SPATA6: variants seen among roughly 807,000 people sequenced by gnomAD.
The protein encoded by SPATA6 is spermatogenesis-associated protein 6.
A neutral mutation model predicts 65.3 loss-of-function variants in SPATA6; 56 were observed. The observed-to-expected ratio is 0.86, with a 90% CI of 0.69 to 1.07. The LOEUF is 1.07. SPATA6 is among the 50% of genes least tolerant of loss of function. The pLI is 0.00. For missense variants in SPATA6, 590 were observed against 594.8 expected (o/e 0.99, Z 0.08); for synonymous variants, 199 against 213.2 (o/e 0.93, Z 0.58).
the SPATA6 span, among the ~76,000 whole-genome samples, chr1:48,284,216 A>G: frequency 1.3e-5 from 2 of 151,922 alleles, no homozygotes; most frequent in East Asian, 1.9e-4. Flanking sequence ...CACTTGATCA[A>G]TTTGGCTATT....
At chr1:48,404,667 A>G (rs999933277) in intron 5 of SPATA6, among the ~76,000 whole-genome samples, 1 of 152,032 alleles carries the variant, frequency 6.6e-6, no homozygotes, top group South Asian at 2.1e-4. Context: ...TAAAAAAAAC[A>G]AAACAAAAAA....
rs757821129 is a variant in SPATA6 at position 48,411,600 on chromosome 1, A to G, written c.281-12T>C. On this transcript the variant is annotated splice_polypyrimidine_tract_variant and intron_variant, in intron 4 of 12. Coordinates refer to ENST00000371847, the MANE Select transcript of SPATA6 (RefSeq NM_019073.4). Reference sequence around the variant, plus strand: ...CAGTGTTTCACCCACTACAAGAAAGATACCCTATGATTCAAATTATAATAA... The same window carrying G: ...CAGTGTTTCACCCACTACAAGAAAGGTACCCTATGATTCAAATTATAATAA... The G allele has an allele frequency of 4.6e-6, 7 of 1,535,380 alleles. No homozygotes were observed. The East Asian group carries it at 1.6e-4, about 36-fold the overall frequency.
intron 5 of SPATA6, among the ~76,000 whole-genome samples, chr1:48,408,174 T>C (rs1651883356): frequency 1.3e-5 from 2 of 152,336 alleles, no homozygotes; most frequent in South Asian, 4.1e-4. Context: ...AGAAATTACT[T>C]AGTTAACTAT....
intron 8 of SPATA6, among the ~76,000 whole-genome samples, chr1:48,393,828 G>C (rs1650306656): frequency 6.6e-6 from 1 of 152,070 alleles, no homozygotes; most frequent in South Asian, 2.1e-4. Context: ...AGCGAGAGAA[G>C]GAGAGCCCAA....
intron 11 of SPATA6, chr1:48,325,163 G>A: frequency 1.6e-6 from 1 of 616,004 alleles, no homozygotes. Context: ...TACAGTTTCA[G>A]GGTTATGGAC....
chr1:48,399,120 G>T, intron 7 of SPATA6: 1 of 484,064 alleles, frequency 2.1e-6, no homozygotes, highest in Non-Finnish European at 3.6e-6. Flanking sequence ...GGTACTGAGA[G>T]GATTTAACAT....
chr1:48,365,638 T>C (rs958504659), intron 9 of SPATA6, among the ~76,000 whole-genome samples: 5 of 152,198 alleles, frequency 3.3e-5, no homozygotes, highest in South Asian at 2.1e-4. Context: ...TTTTTGTACA[T>C]TGATTTTGTA....
chr1:48,366,622 C>T (rs947675243), intron 9 of SPATA6, among the ~76,000 whole-genome samples: 4 of 152,138 alleles, frequency 2.6e-5, no homozygotes, highest in African/African-American at 9.7e-5. Context: ...GTTTGTATTT[C>T]TGTGTGATCG....
chr1:48,369,898 T>G (rs1570343951), intron 9 of SPATA6, among the ~76,000 whole-genome samples: 1 of 152,138 alleles, frequency 6.6e-6, no homozygotes, highest in African/African-American at 2.4e-5. Context: ...AGACCGGAGC[T>G]CCTCCTATTC....
At chr1:48,316,928 A>T (rs1557551564) in intron 11 of SPATA6, among the ~76,000 whole-genome samples, 1 of 152,238 alleles carries the variant, frequency 6.6e-6, no homozygotes, top group African/African-American at 2.4e-5. Flanking sequence ...ACATGAAAAA[A>T]TGCTCATCAT....
intron 11 of SPATA6, among the ~76,000 whole-genome samples, chr1:48,342,262 G>C (rs1476657453): frequency 6.6e-6 from 1 of 152,082 alleles, no homozygotes; most frequent in African/African-American, 2.4e-5. Flanking sequence ...GCTAGAATTT[G>C]CCTGTGTGGC....
At chr1:48,454,209 C>A (rs1656827150) in intron 1 of SPATA6, among the ~76,000 whole-genome samples, 1 of 151,906 alleles carries the variant, frequency 6.6e-6, no homozygotes, top group Admixed American at 6.6e-5. Flanking sequence ...ATCAACTACA[C>A]CCTCAGCAGG....
chr1:48,273,719 C>T, the SPATA6 span, among the ~76,000 whole-genome samples: 15 of 152,160 alleles, frequency 9.9e-5, no homozygotes, highest in Admixed American at 8.5e-4. Flanking sequence ...ATATGTGCCA[C>T]ATTTTCTTTA....
At chr1:48,386,868 G>C (rs1023275832) in intron 8 of SPATA6, among the ~76,000 whole-genome samples, 6 of 152,324 alleles carry the variant, frequency 3.9e-5, no homozygotes, top group East Asian at 1.9e-4. Context: ...TACAGACTGT[G>C]AGCTGTCCTG....
chr1:48,364,503 G>A (rs1453114704), intron 9 of SPATA6, among the ~76,000 whole-genome samples: 3 of 152,330 alleles, frequency 2.0e-5, no homozygotes, highest in Non-Finnish European at 4.4e-5. Flanking sequence ...TCTAACTGGT[G>A]TGAGATGGTA....
chr1:48,442,717 T>TAAAAAAAAAAAA (rs71056669), intron 3 of SPATA6, among the ~76,000 whole-genome samples: 2 of 46,212 alleles, frequency 4.3e-5, no homozygotes, highest in African/African-American at 9.2e-5. Flanking sequence ...ATGGAAGTAG[T>TAAAAAAAAAAAA]AAAAAAAAAA....
At chr1:48,289,594 A>C in the SPATA6 span, among the ~76,000 whole-genome samples, 1 of 152,186 alleles carries the variant, frequency 6.6e-6, no homozygotes, top group African/African-American at 2.4e-5. Context: ...AGAAGCTAAA[A>C]ACCTTGAAAA....
intron 3 of SPATA6, among the ~76,000 whole-genome samples, chr1:48,434,571 T>C (rs1654714725): frequency 6.6e-6 from 1 of 150,574 alleles, no homozygotes; most frequent in South Asian, 2.1e-4. Flanking sequence ...TCTCTGATTA[T>C]GACAAATCTG....
chr1:48,399,477 T>C lies in SPATA6; in HGVS notation c.654A>G (p.Pro218=), dbSNP rs747230294. 1.2e-6 allele frequency: 2 copies of C among 1,613,240 alleles called. No individual in the cohort carries two copies. The change falls in exon 7 of 13, where the codon CCA becomes CCG. Residue 218 remains proline, a synonymous_variant. Transcript: ENST00000371847. ...ACATGCGTCTTTTTGTGTAGGGAGA[T>C]GGAGAGTGTGATTTTGAAGAAATTG... The part of the protein sequence containing the change: ...QPTISSKSHS[P]SPYTKRRMCE...
Sources: gnomAD v4.1 joint callset for allele counts (sites outside exome capture counted in the v4.1 genomes callset) on GRCh38, gnomAD v4.1.1 for gene constraint, MANE v1.5 for transcripts, NCBI Gene and HGNC (gene_info 2026-07-23, HGNC 2026-07-21) for gene names.